DPYSL4: variants seen among roughly 807,000 people sequenced by gnomAD.
DPYSL4 encodes dihydropyrimidinase-related protein 4.
Under a neutral mutation model 63.4 loss-of-function variants are expected in DPYSL4, and 43 were observed. That is an observed-to-expected ratio of 0.68 (90% confidence interval 0.53 to 0.88). The LOEUF is 0.88. DPYSL4 is among the 40% of genes least tolerant of loss of function. DPYSL4 has a pLI of 0.00. For synonymous variants in DPYSL4, 353 were observed against 331.7 expected, an observed-to-expected ratio of 1.06 and a Z score of -0.70; for missense variants, 733 against 819.5, an observed-to-expected ratio of 0.89 and a Z score of 1.29.
chr10:132,193,245 C>G (rs1488859678), intron 3 of DPYSL4, among the ~76,000 whole-genome samples: 4 of 152,210 alleles, frequency 2.6e-5, no homozygotes, highest in African/African-American at 4.8e-5. Flanking sequence ...CTGGAAGGTT[C>G]TTGCTCATGT....
intron 12 of DPYSL4, 46 bp downstream of exon 12, chr10:132,202,871 G>C (rs529707383): frequency 6.5e-7 from 1 of 1,549,634 alleles, no homozygotes; most frequent in Non-Finnish European, 8.7e-7. Flanking sequence ...GCAGGTGGGC[G>C]CTGAGTTCTA....
intron 3 of DPYSL4, among the ~76,000 whole-genome samples, chr10:132,194,343 G>C (rs2061913998): frequency 6.6e-6 from 1 of 152,264 alleles, no homozygotes; most frequent in Non-Finnish European, 1.5e-5. Context: ...GCAGCAGCAT[G>C]ATGGCTGTGT....
intron 10 of DPYSL4, 28 bp downstream of exon 10, chr10:132,201,011 C>T (rs776480284): frequency 5.0e-6 from 8 of 1,609,158 alleles, no homozygotes; most frequent in African/African-American, 1.3e-5. Flanking sequence ...CGGGGCACGC[C>T]GTCTGGGGAG....
chr10:132,186,995 C>CCGGGGGGGGGGGGGGGGG lies in DPYSL4; in HGVS notation c.-68_-67insGGGGGGGGGGGGGGGGGC. The CCGGGGGGGGGGGGGGGGG allele has an allele frequency of 2.8e-5, 1 of 36,148 alleles. No homozygotes were observed. Among genetic ancestry groups the CCGGGGGGGGGGGGGGGGG allele is most frequent in the East Asian group, 6.4e-3 (1 of 156 alleles). 2.2% of individuals were successfully genotyped at this position (36,148 alleles called of 1,614,324 possible). A position where few individuals can be genotyped will look rare whatever the true frequency, so the allele number is the denominator to read the frequency against. On this transcript the variant is annotated 5_prime_UTR_variant, in exon 1 of 14. Coordinates refer to ENST00000338492, the MANE Select transcript of DPYSL4 (RefSeq NM_006426.3). ...CACGCACGCGTCCCGGCTCACGCGT[C>CCGGGGGGGGGGGGGGGGG]CCCCCGCCCGCCCGCCCGCCCGCCC...
intron 2 of DPYSL4, among the ~76,000 whole-genome samples, chr10:132,192,087 A>G (rs1053607157): frequency 6.7e-6 from 1 of 148,154 alleles, no homozygotes; most frequent in South Asian, 2.1e-4. Context: ...TTGTGTACAC[A>G]CTGGTCACGT....
chr10:132,204,615 C>T (rs961969228), intron 13 of DPYSL4, among the ~76,000 whole-genome samples: 1 of 152,114 alleles, frequency 6.6e-6, no homozygotes, highest in Non-Finnish European at 1.5e-5. Flanking sequence ...CCACAGTCCC[C>T]GCAGGTTTCA....
rs374023583 is a variant in DPYSL4, at chr10:132,202,829, G to A, written c.1461+4G>A. 39 of 1,585,108 alleles carry A rather than the reference G, an allele frequency of 2.5e-5. No homozygotes were observed. The African/African-American group carries it at 4.2e-4, about 17-fold the overall frequency. On this transcript the variant is annotated splice_donor_region_variant and intron_variant, in intron 12 of 13. Transcript: ENST00000338492. The stretch of plus-strand genomic sequence containing the variant: ...GAGGATCAAAGCTCGCAACAGGGTA[G>A]GGCGGCACCCGCAAGGGTGTTGTGC...
chr10:132,198,373 C>G (rs989453955), intron 6 of DPYSL4, 42 bp from the exon 7 acceptor site: 1 of 1,576,130 alleles, frequency 6.3e-7, no homozygotes, highest in Admixed American at 1.8e-5. Flanking sequence ...GGCCCAGGCT[C>G]CCTTCAGGGC....
chr10:132,199,471 T>G (rs113312347), intron 8 of DPYSL4, among the ~76,000 whole-genome samples: 9,399 of 151,878 alleles, frequency 0.062, 610 homozygotes, highest in African/African-American at 0.15. Flanking sequence ...CAGAGGCTAC[T>G]GGGCTCAGAG....
At chr10:132,200,291 A>T in intron 8 of DPYSL4, 65 bp from the exon 9 acceptor site, 3 of 1,585,572 alleles carry the variant, frequency 1.9e-6, no homozygotes, top group African/African-American at 2.7e-5. Context: ...CAGCAGCAGC[A>T]GTTCTCGGGG....
intron 8 of DPYSL4, among the ~76,000 whole-genome samples, chr10:132,200,020 C>G (rs908570723): frequency 2.3e-4 from 35 of 152,194 alleles, no homozygotes; most frequent in African/African-American, 8.2e-4. Flanking sequence ...CCCGGCCAGT[C>G]AGCCGCCATG....
chr10:132,190,677 A>G (rs978114803), intron 1 of DPYSL4, 70 bp from the exon 2 acceptor site: 7 of 1,422,966 alleles, frequency 4.9e-6, no homozygotes, highest in Non-Finnish European at 6.8e-6. Flanking sequence ...TTTCAGAGGA[A>G]GGAGTTGCAC....
rs757758956 is a variant in DPYSL4, at chr10:132,198,965, C to T, written c.805C>T (p.Arg269Cys). 17 of 1,608,742 alleles carry T rather than the reference C, an allele frequency of 1.1e-5. No individual in the cohort carries two copies. Among genetic ancestry groups the T allele is most frequent in the African/African-American group, 6.7e-5 (5 of 74,924 alleles). ...GAADAIAQAK[R>C]RGVVVFGEPI... ...GGCCGACGCCATCGCTCAGGCCAAGCGCAGAGGTGAGCACCCAGCCCCGCC... is the reference window on the plus strand; with the variant it reads ...GGCCGACGCCATCGCTCAGGCCAAGTGCAGAGGTGAGCACCCAGCCCCGCC... Residue 269 changes from arginine (R) to cysteine (C), a missense_variant, in exon 8 of 14, where the codon CGC (arginine) becomes TGC (cysteine). By Grantham distance (180) the Arg-to-Cys change is radical (BLOSUM62 -3). Coordinates refer to ENST00000338492, the MANE Select transcript of DPYSL4 (RefSeq NM_006426.3).
intron 1 of DPYSL4, 75 bp downstream of exon 1, chr10:132,187,177 C>T: frequency 8.6e-7 from 1 of 1,169,068 alleles, no homozygotes; most frequent in Non-Finnish European, 1.2e-6. Flanking sequence ...GGCGGACCCT[C>T]CTGGTCTTGT....
chr10:132,201,133 G>C, intron 10 of DPYSL4, 150 bp downstream of exon 10: 14 of 1,206,020 alleles, frequency 1.2e-5, no homozygotes, highest in Non-Finnish European at 1.6e-5. Context: ...TCCCCACCCA[G>C]GGCGCCTCAG....
chr10:132,195,547 C>T (rs773589242), intron 4 of DPYSL4, among the ~76,000 whole-genome samples: 3 of 152,130 alleles, frequency 2.0e-5, no homozygotes, highest in Admixed American at 6.5e-5. Context: ...GAGGTGGGGG[C>T]GGGATGGGGT....
At chr10:132,204,096 C>T (rs1023651163) in intron 13 of DPYSL4, among the ~76,000 whole-genome samples, 169 bp downstream of exon 13, 32 of 152,104 alleles carry the variant, frequency 2.1e-4, no homozygotes, top group African/African-American at 7.2e-4. Flanking sequence ...AAGGGCTGAG[C>T]CCAGTTAGGG....
Position 132,200,526 on chromosome 10 carries a change from C to T in DPYSL4, c.968+14C>T. The T allele has an allele frequency of 1.9e-6, 3 of 1,611,866 alleles. No homozygotes were observed. The highest frequency in any genetic ancestry group is 2.5e-6 in the Non-Finnish European group (3 of 1,179,566). ...CTTGCTGTCCAGGTAAGCAGCCTCTCCAGGTGGCCCCAGGTTGGCCGCCCG... is the reference window on the plus strand; with the variant it reads ...CTTGCTGTCCAGGTAAGCAGCCTCTTCAGGTGGCCCCAGGTTGGCCGCCCG... On this transcript the variant is annotated intron_variant, in intron 9 of 13. Transcript: ENST00000338492.
intron 3 of DPYSL4, among the ~76,000 whole-genome samples, chr10:132,193,589 C>T (rs930035090): frequency 1.3e-5 from 2 of 152,248 alleles, no homozygotes; most frequent in East Asian, 1.9e-4. Flanking sequence ...CACTCTGCGG[C>T]GTCCGTCTGG....
Sources: gnomAD v4.1 joint callset for allele counts (sites outside exome capture counted in the v4.1 genomes callset) on GRCh38, gnomAD v4.1.1 for gene constraint, MANE v1.5 for transcripts, NCBI Gene and HGNC (gene_info 2026-07-23, HGNC 2026-07-21) for gene names.